Variants in SNTG1 observed in about 807,000 individuals in gnomAD.
The protein encoded by SNTG1 is gamma-1-syntrophin.
In SNTG1, 39 loss-of-function variants were observed where a neutral mutation model predicts 74.7. The ratio of observed to expected loss-of-function variants is 0.52; its 90% CI spans 0.40 to 0.68. The LOEUF (loss-of-function observed/expected upper bound fraction) is 0.68. SNTG1 is among the 30% of genes least tolerant of loss of function. SNTG1 has a pLI of 0.00. For missense variants in SNTG1, 685 were observed against 609.5 expected (o/e 1.12, Z -1.30); for synonymous variants, 254 against 217.1 (o/e 1.17, Z -1.49).
Position 50,473,944 on chromosome 8 carries a change from G to A in SNTG1, c.363+23215G>A, listed in dbSNP as rs1276779055. Among the ~76,000 whole-genome samples the A allele has an allele frequency of 6.6e-5, 10 of 151,880 alleles. No homozygotes were observed. The East Asian group carries it at 1.9e-3, about 29-fold the overall frequency. On this transcript the variant is annotated intron_variant, in intron 8 of 18. Coordinates refer to ENST00000642720, the MANE Select transcript of SNTG1 (RefSeq NM_018967.5). ...GGGAACAGAGGGTTATTGTTTTAGGGGTATAGAATTTTAGTTTTTAAGTTT... is the reference window on the plus strand; with the variant it reads ...GGGAACAGAGGGTTATTGTTTTAGGAGTATAGAATTTTAGTTTTTAAGTTT...
chr8:50,098,539 T>G (rs2080013072), intron 1 of SNTG1, among the ~76,000 whole-genome samples: 1 of 152,120 alleles, frequency 6.6e-6, no homozygotes, highest in Non-Finnish European at 1.5e-5. Flanking sequence ...AGTAGGCCAT[T>G]TTAGATCAAT....
intron 18 of SNTG1, among the ~76,000 whole-genome samples, chr8:50,783,143 G>A (rs2095664877): frequency 6.6e-6 from 1 of 152,160 alleles, no homozygotes; most frequent in African/African-American, 2.4e-5. Context: ...CGGGGGTCAG[G>A]GGTCAGGGAC....
intron 17 of SNTG1, among the ~76,000 whole-genome samples, chr8:50,738,240 T>C (rs890331964): frequency 6.6e-6 from 1 of 152,180 alleles, no homozygotes; most frequent in South Asian, 2.1e-4. Flanking sequence ...TGTACAAATA[T>C]CACAAGCTTT....
intron 1 of SNTG1, among the ~76,000 whole-genome samples, chr8:49,976,849 A>T (rs959498275): frequency 2.0e-5 from 3 of 152,154 alleles, no homozygotes; most frequent in African/African-American, 7.2e-5. Flanking sequence ...AGCAAGACTA[A>T]ATGGCATGCT....
chr8:50,153,011 G>A (rs148810478), intron 1 of SNTG1, among the ~76,000 whole-genome samples: 11,061 of 152,206 alleles, frequency 0.073, 425 homozygotes, highest in Middle Eastern at 0.12. Flanking sequence ...TTCCAACTTG[G>A]TTCTATTCTC....
chr8:50,225,850 A>G (rs907268446), intron 2 of SNTG1, among the ~76,000 whole-genome samples: 1 of 152,122 alleles, frequency 6.6e-6, no homozygotes, highest in African/African-American at 2.4e-5. Context: ...CATTTTGTTT[A>G]CTTTATGTTG....
At chr8:50,479,129 T>A (rs2131805539) in intron 8 of SNTG1, among the ~76,000 whole-genome samples, 1 of 152,280 alleles carries the variant, frequency 6.6e-6, no homozygotes, top group East Asian at 1.9e-4. Context: ...GGAAATAGAA[T>A]TAAAACTAAT....
intron 2 of SNTG1, among the ~76,000 whole-genome samples, chr8:50,196,422 T>G (rs1301210032): frequency 6.6e-6 from 1 of 152,202 alleles, no homozygotes; most frequent in Non-Finnish European, 1.5e-5. Flanking sequence ...TTAGAATATT[T>G]GTAGAAGCTG....
intron 9 of SNTG1, among the ~76,000 whole-genome samples, chr8:50,517,277 C>T (rs924657850): frequency 6.6e-6 from 1 of 152,052 alleles, no homozygotes; most frequent in Non-Finnish European, 1.5e-5. Flanking sequence ...ATCTGCCTTA[C>T]AAGAGTTCCT....
At chr8:50,731,313 T>C (rs1373495494) in intron 17 of SNTG1, among the ~76,000 whole-genome samples, 1 of 152,112 alleles carries the variant, frequency 6.6e-6, no homozygotes, top group Non-Finnish European at 1.5e-5. Context: ...TCATTCGATG[T>C]AGGCAACTAC....
At chr8:50,179,596 A>G (rs536897993) in intron 2 of SNTG1, among the ~76,000 whole-genome samples, 224 of 152,332 alleles carry the variant, frequency 1.5e-3, no homozygotes, top group South Asian at 4.6e-3. Flanking sequence ...AAAGGAAAAA[A>G]GTAATCTAAT....
At chr8:50,639,493 T>C (rs1269296016) in intron 13 of SNTG1, among the ~76,000 whole-genome samples, 3 of 152,098 alleles carry the variant, frequency 2.0e-5, no homozygotes, top group Non-Finnish European at 4.4e-5. Context: ...CTATAAGAAA[T>C]ATTATTTGAC....
chr8:50,741,196 T>C (rs1397054987), intron 17 of SNTG1, among the ~76,000 whole-genome samples: 1 of 151,952 alleles, frequency 6.6e-6, no homozygotes, highest in Non-Finnish European at 1.5e-5. Flanking sequence ...GCAATCTCAG[T>C]TCATCGCAAC....
intron 18 of SNTG1, among the ~76,000 whole-genome samples, chr8:50,765,368 T>A (rs1440130308): frequency 6.6e-6 from 1 of 152,006 alleles, no homozygotes; most frequent in Admixed American, 6.6e-5. Context: ...CTGCATCCAT[T>A]GGTATTTCTG....
intron 15 of SNTG1, among the ~76,000 whole-genome samples, chr8:50,701,929 C>A (rs773037934): frequency 6.6e-6 from 1 of 151,618 alleles, no homozygotes; most frequent in Non-Finnish European, 1.5e-5. Flanking sequence ...TGGCTCACTG[C>A]AACCTCCTCA....
At chr8:49,979,596 G>A (rs992988450) in intron 1 of SNTG1, among the ~76,000 whole-genome samples, 4 of 152,086 alleles carry the variant, frequency 2.6e-5, no homozygotes, top group Admixed American at 6.5e-5. Context: ...TCTTGGCTTG[G>A]TCTGACTGGG....
chr8:50,751,329 A>G (rs1333354486), intron 17 of SNTG1, among the ~76,000 whole-genome samples: 5 of 152,038 alleles, frequency 3.3e-5, no homozygotes, highest in Non-Finnish European at 4.4e-5. Context: ...CCCAGGAAAT[A>G]TGATTTATGA....
chr8:50,016,853 C>CA (rs918231324), intron 1 of SNTG1, among the ~76,000 whole-genome samples: 4 of 151,526 alleles, frequency 2.6e-5, no homozygotes, highest in Admixed American at 6.6e-5. Context: ...TCCACCAATA[C>CA]AAAAAAAATG....
intron 1 of SNTG1, among the ~76,000 whole-genome samples, chr8:50,018,556 C>G (rs1319609468): frequency 1.3e-5 from 2 of 151,806 alleles, no homozygotes; most frequent in South Asian, 4.1e-4. Flanking sequence ...TAAGAGTAAA[C>G]GTTCTTGACT....
Sources: gnomAD v4.1 joint callset for allele counts (sites outside exome capture counted in the v4.1 genomes callset) on GRCh38, gnomAD v4.1.1 for gene constraint, MANE v1.5 for transcripts, NCBI Gene and HGNC (gene_info 2026-07-23, HGNC 2026-07-21) for gene names.